SAMMSON: variants seen among roughly 807,000 people sequenced by gnomAD.
The protein encoded by SAMMSON is survival associated mitochondrial melanoma specific oncogenic non-coding RNA, also known as long intergenic non-protein coding RNA 1212.
intron 7 of SAMMSON, among the ~76,000 whole-genome samples, chr3:70,344,702 G>T (rs1022679034): frequency 6.6e-6 from 1 of 152,158 alleles, no homozygotes. Flanking sequence ...ACACTCCCTG[G>T]TTCCTGCACC....
chr3:70,419,393 G>A (rs1284578612), intron 2 of SAMMSON, among the ~76,000 whole-genome samples: 1 of 152,016 alleles, frequency 6.6e-6, no homozygotes, highest in Non-Finnish European at 1.5e-5. Context: ...GTTATGCATG[G>A]GGGGAAGAGG....
chr3:70,215,054 A>G (rs1394520291), intron 4 of SAMMSON, among the ~76,000 whole-genome samples: 5 of 152,154 alleles, frequency 3.3e-5, no homozygotes, highest in Non-Finnish European at 7.4e-5. Flanking sequence ...TTAAAAATAA[A>G]CCATAATTAT....
intron 1 of SAMMSON, among the ~76,000 whole-genome samples, chr3:70,001,658 A>G (rs1446102254): frequency 2.0e-5 from 3 of 152,124 alleles, no homozygotes; most frequent in Non-Finnish European, 4.4e-5. Flanking sequence ...TTGGGGGGGA[A>G]TCACGACTTT....
intron 4 of SAMMSON, among the ~76,000 whole-genome samples, chr3:70,076,099 T>C (rs961452690): frequency 1.3e-5 from 2 of 152,080 alleles, no homozygotes; most frequent in Non-Finnish European, 2.9e-5. Context: ...AGAACTTAAT[T>C]AAGTTCCCAG....
rs368617997 is a variant in SAMMSON at position 70,411,504 on chromosome 3, G to T, written n.234-51056G>T. 2.6e-5 allele frequency among the ~76,000 whole-genome samples: 4 copies of T among 152,138 alleles called. 1 individual carries two copies. The highest frequency in any genetic ancestry group is 9.6e-5 in the African/African-American group (4 of 41,526). ...TATTTCTAGACATTTAAATTTTTTG[G>T]TTCTTGTGATGTTAACTGGGTATCA... On this transcript the variant is annotated intron_variant and non_coding_transcript_variant, in intron 2 of 3. Coordinates refer to the SAMMSON transcript ENST00000641053.
intron 6 of SAMMSON, among the ~76,000 whole-genome samples, chr3:70,265,528 G>A (rs965845623): frequency 1.1e-4 from 17 of 150,316 alleles, no homozygotes; most frequent in Non-Finnish European, 2.2e-4. Flanking sequence ...GTTCATGAGC[G>A]AACCTTCCCA....
At chr3:70,311,722 A>G (rs538012123) in intron 7 of SAMMSON, among the ~76,000 whole-genome samples, 14 of 151,788 alleles carry the variant, frequency 9.2e-5, no homozygotes, top group Non-Finnish European at 1.8e-4. Flanking sequence ...TCAAACAACC[A>G]CTTAGGCCAC....
intron 9 of SAMMSON, among the ~76,000 whole-genome samples, chr3:70,384,551 A>G (rs185516626): frequency 3.3e-5 from 5 of 152,064 alleles, no homozygotes; most frequent in Non-Finnish European, 7.4e-5. Context: ...CATAAGGGGC[A>G]AAGAAAAGGG....
At chr3:70,331,930 A>C (rs1702624441) in intron 7 of SAMMSON, among the ~76,000 whole-genome samples, 1 of 152,238 alleles carries the variant, frequency 6.6e-6, no homozygotes, top group South Asian at 2.1e-4. Context: ...TTGGTACAGT[A>C]ACTTCACAAT....
chr3:70,351,997 G>T (rs1467340881), intron 7 of SAMMSON, among the ~76,000 whole-genome samples: 2 of 151,780 alleles, frequency 1.3e-5, no homozygotes, highest in Non-Finnish European at 2.9e-5. Context: ...GAGGATTTTG[G>T]GTATAATGAA....
At chr3:70,221,049 A>C (rs985324883) in intron 4 of SAMMSON, among the ~76,000 whole-genome samples, 5 of 152,180 alleles carry the variant, frequency 3.3e-5, no homozygotes, top group Admixed American at 3.3e-4. Context: ...TATTGCATCT[A>C]AACCAGGTAC....
At chr3:70,135,027 A>T (rs1020820999) in intron 4 of SAMMSON, among the ~76,000 whole-genome samples, 3 of 152,228 alleles carry the variant, frequency 2.0e-5, no homozygotes, top group African/African-American at 7.2e-5. Flanking sequence ...TTTTATCTGC[A>T]CTAAAGAATC....
rs537575967 is a variant in SAMMSON at position 70,074,138 on chromosome 3, C to T, written n.507+2573C>T. Reference sequence around the variant, plus strand: ...CAATTGAAAGAATTTTCTCCAAAAACAATGACTAGCTTTGGAATTACGTAA... The same window carrying T: ...CAATTGAAAGAATTTTCTCCAAAAATAATGACTAGCTTTGGAATTACGTAA... On this transcript the variant is annotated intron_variant and non_coding_transcript_variant, in intron 4 of 9. Coordinates refer to ENST00000642114, the Ensembl canonical transcript of SAMMSON. Among the ~76,000 whole-genome samples the T allele has an allele frequency of 2.6e-5, 4 of 152,088 alleles. No individual in the cohort carries two copies. In the East Asian group the frequency reaches 7.7e-4, roughly 29 times the overall value.
chr3:70,184,338 C>G (rs1318780930), intron 4 of SAMMSON: 1 of 152,160 alleles, frequency 6.6e-6, no homozygotes, highest in East Asian at 1.9e-4. Flanking sequence ...CTGTGATTCT[C>G]TAAGAAGGGA....
chr3:70,138,120 A>G (rs561454544), intron 4 of SAMMSON, among the ~76,000 whole-genome samples: 128 of 152,350 alleles, frequency 8.4e-4, no homozygotes, highest in African/African-American at 2.5e-3. Context: ...AATGAGATTC[A>G]AATGTAAAAG....
intron 3 of SAMMSON, among the ~76,000 whole-genome samples, chr3:70,063,973 A>C (rs1180333471): frequency 6.6e-6 from 1 of 151,824 alleles, no homozygotes; most frequent in Admixed American, 6.6e-5. Context: ...CTCAGATCTC[A>C]CCTCCTAATT....
At chr3:70,131,231 T>G (rs978342730) in intron 4 of SAMMSON, among the ~76,000 whole-genome samples, 3 of 152,200 alleles carry the variant, frequency 2.0e-5, no homozygotes, top group Non-Finnish European at 4.4e-5. Flanking sequence ...TTTGAATTCA[T>G]AGAGCATTCT....
At chr3:70,171,683 G>A (rs562332773) in intron 4 of SAMMSON, among the ~76,000 whole-genome samples, 1 of 151,916 alleles carries the variant, frequency 6.6e-6, no homozygotes, top group Non-Finnish European at 1.5e-5. Context: ...AAACCTAAAA[G>A]ATGTTTATAC....
intron 4 of SAMMSON, among the ~76,000 whole-genome samples, chr3:70,217,637 C>T (rs567309670): frequency 2.6e-5 from 4 of 152,180 alleles, no homozygotes; most frequent in South Asian, 4.2e-4. Flanking sequence ...TTTTCATATC[C>T]ACCACCTTTC....
Sources: allele counts gnomAD v4.1 joint callset (sites outside exome capture counted in the v4.1 genomes callset), GRCh38; gene constraint gnomAD v4.1.1; transcripts MANE v1.5; gene names NCBI Gene and HGNC (gene_info 2026-07-23, HGNC 2026-07-21).